The following LRCH1 variants were observed in gnomAD, a reference collection of about 807,000 sequenced individuals.
LRCH1 encodes leucine-rich repeat and calponin homology domain-containing protein 1.
Under a neutral mutation model 94.9 loss-of-function variants are expected in LRCH1, and 23 were observed. The ratio of observed to expected loss-of-function variants is 0.24; its 90% confidence interval spans 0.17 to 0.34. The LOEUF (loss-of-function observed/expected upper bound fraction) is 0.34. Among genes scored for constraint, LRCH1 ranks in the 10% least tolerant of loss-of-function variants. LRCH1 has a pLI of 1.00. For synonymous variants in LRCH1, 364 were observed against 354.9 expected (o/e 1.03, Z -0.29); for missense variants, 790 against 945.9 (o/e 0.84, Z 2.16).
intron 1 of LRCH1, among the ~76,000 whole-genome samples, chr13:46,572,666 T>C (rs1485664055): frequency 2.6e-5 from 4 of 152,166 alleles, no homozygotes; most frequent in African/African-American, 9.7e-5. Context: ...AAGAAGACAG[T>C]GCACAATTGT....
intron 1 of LRCH1, among the ~76,000 whole-genome samples, chr13:46,582,370 CTTTTT>C (rs10686269): frequency 1.3e-5 from 1 of 79,590 alleles, no homozygotes; most frequent in Non-Finnish European, 2.2e-5. Context: ...TTGCTCTCAT[CTTTTT>C]TTTTTTTTTT....
downstream of LRCH1, among the ~76,000 whole-genome samples, chr13:46,748,834 C>A (rs564844535): frequency 6.6e-6 from 1 of 152,284 alleles, no homozygotes; most frequent in African/African-American, 2.4e-5. Flanking sequence ...AGGGGGCCAT[C>A]TCTTAAGGCC....
intron 1 of LRCH1, among the ~76,000 whole-genome samples, chr13:46,602,239 A>G (rs977713667): frequency 2.6e-5 from 4 of 152,248 alleles, no homozygotes; most frequent in Admixed American, 2.6e-4. Context: ...GAATTTTTGG[A>G]CATTAGAAGG....
At chr13:46,571,936 C>T (rs1159196960) in intron 1 of LRCH1, among the ~76,000 whole-genome samples, 1 of 151,912 alleles carries the variant, frequency 6.6e-6, no homozygotes, top group Non-Finnish European at 1.5e-5. Flanking sequence ...GAGAGACAGG[C>T]AGGCAGTGGC....
At chr13:46,697,268 G>A (rs907779587) in intron 9 of LRCH1, among the ~76,000 whole-genome samples, 1 of 152,102 alleles carries the variant, frequency 6.6e-6, no homozygotes, top group Non-Finnish European at 1.5e-5. Flanking sequence ...TGCTCACAAC[G>A]TTTTTGTCAA....
chr13:46,671,150 T>A (rs2051595840), intron 3 of LRCH1, among the ~76,000 whole-genome samples: 1 of 152,222 alleles, frequency 6.6e-6, no homozygotes, highest in Non-Finnish European at 1.5e-5. Flanking sequence ...TGTGCACACA[T>A]CACTCTTTCG....
chr13:46,669,684 T>C (rs1566213205), intron 3 of LRCH1, among the ~76,000 whole-genome samples: 1 of 152,190 alleles, frequency 6.6e-6, no homozygotes, highest in Non-Finnish European at 1.5e-5. Flanking sequence ...GGATTACAAA[T>C]GTGTGTGAAG....
chr13:46,654,704 C>T lies in LRCH1; in HGVS notation c.452+4359C>T, dbSNP rs192161273. Among the ~76,000 whole-genome samples the T allele has an allele frequency of 6.6e-5, 10 of 152,278 alleles. No individual in the cohort carries two copies. The South Asian group carries it at 8.3e-4, about 13-fold the overall frequency. On this transcript the variant is annotated intron_variant, in intron 2 of 19. Coordinates refer to ENST00000389797, the MANE Select transcript of LRCH1 (RefSeq NM_001164211.2). ...ACTGTAAATTGCTTTTGAGCTCACA[C>T]TTAAGGTAGATGATATCAAGTATAG...
chr13:46,577,077 G>A (rs1161985034), intron 1 of LRCH1, among the ~76,000 whole-genome samples: 1 of 152,076 alleles, frequency 6.6e-6, no homozygotes, highest in Non-Finnish European at 1.5e-5. Context: ...TTGAGGGTGG[G>A]CCCCAGTCCT....
At chr13:46,587,722 G>T (rs964194759) in intron 1 of LRCH1, among the ~76,000 whole-genome samples, 2 of 152,126 alleles carry the variant, frequency 1.3e-5, no homozygotes, top group Non-Finnish European at 2.9e-5. Context: ...AATGCCCCTG[G>T]TCTGGTTTTG....
chr13:46,559,149 T>A (rs572505205), intron 1 of LRCH1, among the ~76,000 whole-genome samples: 1 of 152,264 alleles, frequency 6.6e-6, no homozygotes, highest in South Asian at 2.1e-4. Context: ...TTTCAACAAC[T>A]TAACTTTATT....
At chr13:46,563,113 G>A (rs1027582970) in intron 1 of LRCH1, among the ~76,000 whole-genome samples, 2 of 152,162 alleles carry the variant, frequency 1.3e-5, no homozygotes, top group African/African-American at 4.8e-5. Flanking sequence ...ATGGGCAGGT[G>A]TTTTATAATA....
At chr13:46,561,679 CAA>C (rs1158829846) in intron 1 of LRCH1, among the ~76,000 whole-genome samples, 5 of 152,184 alleles carry the variant, frequency 3.3e-5, no homozygotes. Flanking sequence ...GGTGGCAATT[CAA>C]AGACAGCACC....
At chr13:46,635,457 C>G (rs1378666507) in intron 1 of LRCH1, among the ~76,000 whole-genome samples, 1 of 148,994 alleles carries the variant, frequency 6.7e-6, no homozygotes, top group Non-Finnish European at 1.5e-5. Flanking sequence ...AAGATCCGGT[C>G]CCCTCCCACC....
intron 1 of LRCH1, among the ~76,000 whole-genome samples, chr13:46,576,833 T>G (rs1207771547): frequency 6.6e-6 from 1 of 152,222 alleles, no homozygotes; most frequent in Admixed American, 6.5e-5. Flanking sequence ...CTTAAAATGA[T>G]GCACATTTAT....
Position 46,686,028 on chromosome 13 carries a change from C to G in LRCH1, c.809C>G (p.Ser270Cys). ...CTACTTGAGAATAACCCTCTGCAGT[C>G]TCCTCCAGCACAGGTGAGGGGTCTT... ...VLLLENNPLQ[S>C]PPAQICTKGK... Residue 270 changes from serine (S) to cysteine (C), a missense_variant, in exon 5 of 20, where the codon TCT becomes TGT. Physicochemically the swap from Ser to Cys is moderately radical, Grantham distance 112 (BLOSUM62 -1). Coordinates refer to ENST00000389797, the MANE Select transcript of LRCH1 (RefSeq NM_001164211.2). 1 of 1,600,734 alleles carries G rather than the reference C, an allele frequency of 6.2e-7. No individual in the cohort carries two copies. Among genetic ancestry groups the G allele is most frequent in the Non-Finnish European group, 8.5e-7 (1 of 1,174,968 alleles).
At chr13:46,690,846 C>T (rs1229510081) in intron 7 of LRCH1, among the ~76,000 whole-genome samples, 1 of 152,084 alleles carries the variant, frequency 6.6e-6, no homozygotes, top group Non-Finnish European at 1.5e-5. Flanking sequence ...AAGATTTTAC[C>T]ATCTATGATC....
chr13:46,612,765 G>A (rs765933981), intron 1 of LRCH1, among the ~76,000 whole-genome samples: 1 of 152,210 alleles, frequency 6.6e-6, no homozygotes, highest in African/African-American at 2.4e-5. Flanking sequence ...TGGCTAAGCA[G>A]ATGATCTCTA....
rs1047155116 is a variant in LRCH1 at position 46,660,621 on chromosome 13, G to T, written c.453-8409G>T. On this transcript the variant is annotated intron_variant, in intron 2 of 19. Coordinates refer to ENST00000389797, the MANE Select transcript of LRCH1 (RefSeq NM_001164211.2). ...TCTTTTCAGTATTTGACATGATAGC[G>T]CCTTCCTTTGTTGTCTTTGGTCACA... Among the ~76,000 whole-genome samples, 35 of 152,166 alleles carry T rather than the reference G, an allele frequency of 2.3e-4. 1 individual carries two copies. Among genetic ancestry groups the T allele is most frequent in the Admixed American group, 2.3e-3 (35 of 15,278 alleles).
Sources: gnomAD v4.1 joint callset for allele counts (sites outside exome capture counted in the v4.1 genomes callset) on GRCh38, gnomAD v4.1.1 for gene constraint, MANE v1.5 for transcripts, NCBI Gene and HGNC (gene_info 2026-07-23, HGNC 2026-07-21) for gene names.